OCA2: variants seen among roughly 807,000 people sequenced by gnomAD.
OCA2 encodes the protein P protein.
A neutral mutation model predicts 100.2 loss-of-function variants in OCA2; 77 were observed. The ratio of observed to expected loss-of-function variants is 0.77; its 90% CI spans 0.64 to 0.93. The LOEUF (loss-of-function observed/expected upper bound fraction) is 0.93, where lower values mean the gene tolerates loss of function less well. Among genes scored for constraint, OCA2 ranks in the 40% least tolerant of loss-of-function variants. The pLI is 0.00. For missense variants in OCA2, 1,062 were observed against 1,089.1 expected (o/e 0.98, Z 0.35); for synonymous variants, 432 against 439.2 (o/e 0.98, Z 0.21).
chr15:27,990,290 T>C (rs539800705), intron 10 of OCA2, among the ~76,000 whole-genome samples: 18 of 152,150 alleles, frequency 1.2e-4, no homozygotes, highest in Middle Eastern at 3.4e-3. Context: ...TCCAGCCCCA[T>C]CACAACCCAG....
intron 14 of OCA2, among the ~76,000 whole-genome samples, chr15:27,968,790 C>A (rs924346057): frequency 6.6e-6 from 1 of 152,082 alleles, no homozygotes; most frequent in Non-Finnish European, 1.5e-5. Context: ...GCAGGGAAAC[C>A]ACACAGAGGC....
intron 18 of OCA2, among the ~76,000 whole-genome samples, chr15:27,935,226 T>C (rs868589477): frequency 9.9e-5 from 15 of 152,152 alleles, no homozygotes; most frequent in African/African-American, 3.1e-4. Flanking sequence ...TGAATACAGA[T>C]AAAAAGTACC....
chr15:27,770,525 C>G (rs1257386108), intron 23 of OCA2, among the ~76,000 whole-genome samples: 1 of 152,208 alleles, frequency 6.6e-6, no homozygotes, highest in Admixed American at 6.5e-5. Context: ...GGCCGCCGGG[C>G]TCGCCCTTCC....
At position 27,755,100 on chromosome 15, in the gene OCA2, A is replaced by T. The variant is rs1301087992; in HGVS notation, c.*288T>A. 44 of 402,612 alleles carry T rather than the reference A, an allele frequency of 1.1e-4. 1 individual carries two copies. Among genetic ancestry groups the T allele is most frequent in the South Asian group, 9.2e-4 (43 of 46,702 alleles). 24.9% of individuals were successfully genotyped at this position (402,612 alleles called of 1,614,324 possible). Reference sequence around the variant, plus strand: ...TGTGTCTTTTCCTATGTATAGCAGGAAGGGTTTTTAAACATACGTATTTTT... The same window carrying T: ...TGTGTCTTTTCCTATGTATAGCAGGTAGGGTTTTTAAACATACGTATTTTT... On this transcript the variant is annotated 3_prime_UTR_variant, in exon 24 of 24. Transcript: ENST00000354638.
chr15:27,767,905 C>T (rs1317194834), intron 23 of OCA2, among the ~76,000 whole-genome samples: 1 of 152,198 alleles, frequency 6.6e-6, no homozygotes. Flanking sequence ...AACAAAAACT[C>T]CTACTGGAGT....
chr15:27,927,165 T>C (rs1371305082), intron 18 of OCA2, among the ~76,000 whole-genome samples: 1 of 152,174 alleles, frequency 6.6e-6, no homozygotes, highest in Non-Finnish European at 1.5e-5. Flanking sequence ...AGCACATGCC[T>C]GTAATCCCAG....
At chr15:27,886,713 G>C (rs2151572534) in intron 19 of OCA2, among the ~76,000 whole-genome samples, 1 of 152,252 alleles carries the variant, frequency 6.6e-6, no homozygotes, top group Non-Finnish European at 1.5e-5. Flanking sequence ...CAAAATGACA[G>C]AGATTAAAAA....
At chr15:27,913,876 AAAGAAAGAAAGAAAGAAAGCAAGC>A (rs1293870766) in intron 19 of OCA2, among the ~76,000 whole-genome samples, 3 of 62,494 alleles carry the variant, frequency 4.8e-5, no homozygotes, top group African/African-American at 8.2e-5. Flanking sequence ...AGAAAGAAAG[AAAGAAAGAAAGAAAGAAAGCAAGC>A]AAGCAAGCAA....
At chr15:27,745,367 A>G in the OCA2 span, among the ~76,000 whole-genome samples, 1 of 152,204 alleles carries the variant, frequency 6.6e-6, no homozygotes, top group Non-Finnish European at 1.5e-5. Context: ...CAATATTATT[A>G]TACTTAAAGC....
chr15:27,950,957 C>T (rs1161189348), intron 18 of OCA2, among the ~76,000 whole-genome samples: 2 of 152,186 alleles, frequency 1.3e-5, no homozygotes, highest in Non-Finnish European at 2.9e-5. Context: ...ATGGGTAAAG[C>T]TTTGGTAAAA....
the OCA2 span, among the ~76,000 whole-genome samples, chr15:27,743,617 C>A: frequency 6.6e-6 from 1 of 152,112 alleles, no homozygotes; most frequent in Non-Finnish European, 1.5e-5. Flanking sequence ...CACGGTGGGG[C>A]CCAGGGAGGC....
At chr15:27,895,469 G>A (rs1325484239) in intron 19 of OCA2, among the ~76,000 whole-genome samples, 1 of 152,210 alleles carries the variant, frequency 6.6e-6, no homozygotes, top group Non-Finnish European at 1.5e-5. Flanking sequence ...ATAGCGATAT[G>A]GACAATAAAG....
chr15:27,818,352 G>A (rs367815600), intron 23 of OCA2, among the ~76,000 whole-genome samples: 67 of 152,202 alleles, frequency 4.4e-4, no homozygotes, highest in African/African-American at 1.4e-3. Flanking sequence ...TCACACCACC[G>A]CACTCCAGCC....
At chr15:28,066,548 A>C (rs2044030128) in intron 2 of OCA2, among the ~76,000 whole-genome samples, 1 of 152,172 alleles carries the variant, frequency 6.6e-6, no homozygotes, top group Non-Finnish European at 1.5e-5. Flanking sequence ...AAGATACCAA[A>C]TTCCAACCTC....
intron 11 of OCA2, among the ~76,000 whole-genome samples, chr15:27,988,709 A>G (rs567181014): frequency 6.6e-6 from 1 of 152,274 alleles, no homozygotes; most frequent in East Asian, 1.9e-4. Context: ...AAAAAGGCGT[A>G]TCTCAGGGAT....
intron 9 of OCA2, among the ~76,000 whole-genome samples, chr15:28,002,708 G>A (rs2041966155): frequency 6.6e-6 from 1 of 152,162 alleles, no homozygotes; most frequent in Non-Finnish European, 1.5e-5. Flanking sequence ...ACAGGGCTGC[G>A]TCTGTCCCTG....
At chr15:27,873,091 A>T (rs1595555071) in intron 19 of OCA2, among the ~76,000 whole-genome samples, 2 of 152,348 alleles carry the variant, frequency 1.3e-5, no homozygotes, top group African/African-American at 4.8e-5. Context: ...TGGGTCTTCA[A>T]TCACGATTCT....
At position 27,755,276 on chromosome 15, in the gene OCA2, T is replaced by C. The variant is rs1595357158; in HGVS notation, c.*112A>G. 2 of 770,562 alleles carry C rather than the reference T, an allele frequency of 2.6e-6. No individual in the cohort carries two copies. Among genetic ancestry groups the C allele is most frequent in the Admixed American group, 2.0e-5 (1 of 50,654 alleles). 47.7% of individuals were successfully genotyped at this position (770,562 alleles called of 1,614,324 possible). A position where few individuals can be genotyped will look rare whatever the true frequency, so the allele number is the denominator to read the frequency against. On this transcript the variant is annotated 3_prime_UTR_variant, in exon 24 of 24. Coordinates refer to ENST00000354638, the MANE Select transcript of OCA2 (RefSeq NM_000275.3). ...TATTCCACTGTGTCTCTGTAGCATCTCCAGGGTAAGCACCTTTTCTTCTTC... is the reference window on the plus strand; with the variant it reads ...TATTCCACTGTGTCTCTGTAGCATCCCCAGGGTAAGCACCTTTTCTTCTTC...
intron 23 of OCA2, among the ~76,000 whole-genome samples, chr15:27,824,705 G>C (rs2151287605): frequency 6.6e-6 from 1 of 150,434 alleles, no homozygotes; most frequent in African/African-American, 2.5e-5. Context: ...TCTCCGGCCA[G>C]CTGCTAGCTC....
Sources: allele counts gnomAD v4.1 joint callset (sites outside exome capture counted in the v4.1 genomes callset), GRCh38; gene constraint gnomAD v4.1.1; transcripts MANE v1.5; gene names NCBI Gene and HGNC (gene_info 2026-07-23, HGNC 2026-07-21).